Variants in CREB3L2 observed in about 807,000 individuals in gnomAD.
The protein encoded by CREB3L2 is cAMP responsive element binding protein 3 like 2.
Under a neutral mutation model 57.2 loss-of-function variants are expected in CREB3L2, and 23 were observed. The observed-to-expected ratio is 0.40, with a 90% confidence interval of 0.29 to 0.57. The LOEUF (loss-of-function observed/expected upper bound fraction) is 0.57, where lower values mean the gene tolerates loss of function less well. Among genes scored for constraint, CREB3L2 ranks in the 20% least tolerant of loss-of-function variants. The pLI is 0.42. For missense variants in CREB3L2, 628 were observed against 634.7 expected (o/e 0.99, Z 0.11); for synonymous variants, 268 against 265.1 (o/e 1.01, Z -0.11).
chr7:137,976,150 A>G (rs1213322071), intron 1 of CREB3L2, among the ~76,000 whole-genome samples: 1 of 152,212 alleles, frequency 6.6e-6, no homozygotes, highest in African/African-American at 2.4e-5. Flanking sequence ...TTCAATATGG[A>G]TATTTTATCA....
intron 1 of CREB3L2, among the ~76,000 whole-genome samples, chr7:137,981,423 T>C (rs553727665): frequency 9.9e-5 from 15 of 152,260 alleles, no homozygotes; most frequent in South Asian, 4.1e-4. Flanking sequence ...AGAAAACATA[T>C]CAAATGAGGT....
At chr7:137,986,785 A>C (rs546247500) in intron 1 of CREB3L2, among the ~76,000 whole-genome samples, 2 of 152,218 alleles carry the variant, frequency 1.3e-5, no homozygotes, top group Admixed American at 6.5e-5. Flanking sequence ...AGTCAAAAGG[A>C]AACACTGGAT....
intron 7 of CREB3L2, among the ~76,000 whole-genome samples, chr7:137,903,541 C>T (rs994723414): frequency 1.3e-5 from 2 of 151,596 alleles, no homozygotes; most frequent in Admixed American, 6.6e-5. Context: ...GCCAACCTGA[C>T]ATCTTTCTTT....
intron 1 of CREB3L2, among the ~76,000 whole-genome samples, chr7:137,966,975 A>G (rs1225343020): frequency 6.6e-6 from 1 of 152,190 alleles, no homozygotes; most frequent in Non-Finnish European, 1.5e-5. Context: ...TGGGAGGTTT[A>G]CATGACGTCA....
intron 10 of CREB3L2, 119 bp downstream of exon 10, chr7:137,884,876 C>A (rs747809730): frequency 7.0e-7 from 1 of 1,420,990 alleles, no homozygotes; most frequent in East Asian, 2.3e-5. Context: ...GGGAGAAGCT[C>A]CACTTTTACC....
chr7:137,932,156 CA>C (rs1454823771), intron 1 of CREB3L2, among the ~76,000 whole-genome samples: 26 of 152,210 alleles, frequency 1.7e-4, no homozygotes, highest in Middle Eastern at 3.4e-3. Flanking sequence ...TTATCAAAAA[CA>C]TTTTTTTAGA....
intron 1 of CREB3L2, among the ~76,000 whole-genome samples, chr7:137,944,669 AAAAC>A (rs1248731532): frequency 2.0e-5 from 3 of 152,240 alleles, no homozygotes; most frequent in Admixed American, 1.3e-4. Flanking sequence ...AGTGGCTATG[AAAAC>A]AAACTGCTAC....
At chr7:137,916,613 G>C (rs2117220868) in intron 2 of CREB3L2, among the ~76,000 whole-genome samples, 1 of 152,134 alleles carries the variant, frequency 6.6e-6, no homozygotes, top group Middle Eastern at 3.4e-3. Flanking sequence ...AGCTACTTGG[G>C]AGGCTGAGGC....
At chr7:137,884,593 A>G in intron 10 of CREB3L2, 1 of 446,874 alleles carries the variant, frequency 2.2e-6, no homozygotes, top group East Asian at 4.1e-5. Context: ...CCCTTACTAT[A>G]TACATTGCAT....
intron 1 of CREB3L2, among the ~76,000 whole-genome samples, chr7:137,996,063 T>C (rs1014686000): frequency 6.6e-6 from 1 of 152,210 alleles, no homozygotes; most frequent in South Asian, 2.1e-4. Flanking sequence ...CATTATGAAA[T>C]AATGGAGGGC....
intron 2 of CREB3L2, 66 bp from the exon 3 acceptor site, chr7:137,916,078 G>A (rs1445854089): frequency 3.8e-6 from 5 of 1,331,618 alleles, no homozygotes; most frequent in African/African-American, 3.0e-5. Flanking sequence ...CAAAACAAGC[G>A]ACCACTAGTC....
At chr7:137,954,747 C>G (rs578243922) in intron 1 of CREB3L2, among the ~76,000 whole-genome samples, 12 of 152,282 alleles carry the variant, frequency 7.9e-5, no homozygotes, top group African/African-American at 2.6e-4. Flanking sequence ...AAGAGGAAGG[C>G]ATGGAGGCTA....
intron 1 of CREB3L2, chr7:137,955,448 G>A (rs1414741807): frequency 1.7e-5 from 8 of 477,500 alleles, no homozygotes; most frequent in East Asian, 7.2e-5. Context: ...TTACACGTCC[G>A]GTTCAGAAAT....
chr7:137,952,561 C>G (rs948643552), intron 1 of CREB3L2, among the ~76,000 whole-genome samples: 1 of 152,186 alleles, frequency 6.6e-6, no homozygotes, highest in Non-Finnish European at 1.5e-5. Flanking sequence ...TTTTTATGAT[C>G]TGGCCCCTGC....
intron 1 of CREB3L2, among the ~76,000 whole-genome samples, chr7:137,935,098 C>T (rs2117250609): frequency 6.6e-6 from 1 of 152,274 alleles, no homozygotes; most frequent in East Asian, 1.9e-4. Flanking sequence ...TGAATCCTGG[C>T]TGTGCAAGCC....
At chr7:137,907,902 A>AG (rs1308023103) in intron 5 of CREB3L2, among the ~76,000 whole-genome samples, 3 of 152,258 alleles carry the variant, frequency 2.0e-5, no homozygotes, top group African/African-American at 7.2e-5. Flanking sequence ...CCTATGACAT[A>AG]GGTCACAAGG....
At chr7:137,888,265 C>A (rs910142053) in intron 8 of CREB3L2, among the ~76,000 whole-genome samples, 1 of 149,454 alleles carries the variant, frequency 6.7e-6, no homozygotes, top group Admixed American at 6.6e-5. Context: ...GCACCCAGCA[C>A]CATTTTCTTT....
At chr7:137,999,521 C>G (rs1200331014) in intron 1 of CREB3L2, 3 of 152,104 alleles carry the variant, frequency 2.0e-5, no homozygotes, top group Non-Finnish European at 4.4e-5. Flanking sequence ...GAACAAATAT[C>G]TCTCTGACTG....
rs1585581063 is a variant in CREB3L2, at chr7:137,877,382, A to G, written c.*3094T>C. On this transcript the variant is annotated 3_prime_UTR_variant, in exon 12 of 12. Transcript: ENST00000330387. ...CCTAGTTCAGCTGTCGGATTTTTATATAACACTCTCTTTATGTGAGCTAGA... is the reference window on the plus strand; with the variant it reads ...CCTAGTTCAGCTGTCGGATTTTTATGTAACACTCTCTTTATGTGAGCTAGA... 1 of 226,766 alleles carries G rather than the reference A, an allele frequency of 4.4e-6. No homozygotes were observed. The highest frequency in any genetic ancestry group is 6.4e-5 in the East Asian group (1 of 15,738). 14.0% of individuals were successfully genotyped at this position (226,766 alleles called of 1,614,324 possible). A position where few individuals can be genotyped will look rare whatever the true frequency, so the allele number is the denominator to read the frequency against.
Sources: allele counts gnomAD v4.1 joint callset (sites outside exome capture counted in the v4.1 genomes callset), GRCh38; gene constraint gnomAD v4.1.1; transcripts MANE v1.5; gene names NCBI Gene and HGNC (gene_info 2026-07-23, HGNC 2026-07-21).